CXorf58: variants seen among roughly 807,000 people sequenced by gnomAD.
The protein encoded by CXorf58 is chromosome X open reading frame 58.
In CXorf58, 24 loss-of-function variants were observed where a neutral mutation model predicts 26.0. The ratio of observed to expected loss-of-function variants is 0.92; its 90% CI spans 0.67 to 1.30. CXorf58 has a LOEUF of 1.30. Among genes scored for constraint, CXorf58 ranks in the 50% most tolerant of loss-of-function variants. The probability of loss-of-function intolerance (pLI) is 0.00; values close to 1 mark genes in which losing one functional copy is unlikely to be tolerated. For synonymous variants in CXorf58, 87 were observed against 86.1 expected (o/e 1.01, Z -0.06); for missense variants, 236 against 263.9 (o/e 0.89, Z 0.73).
intron 5 of CXorf58, among the ~76,000 whole-genome samples, chrX:23,918,369 A>G (rs956470677): frequency 3.6e-5 from 4 of 111,534 alleles, no homozygotes; most frequent in Non-Finnish European, 7.5e-5. Context: ...ACAATATCTT[A>G]TAACCCATTA....
In CXorf58 at chrX:23,923,477, C is replaced by CAA. The variant is rs200776673; in HGVS notation, c.424-3751_424-3750dup. On this transcript the variant is annotated intron_variant, in intron 5 of 8. Transcript: ENST00000379211. ...GGCGAAATTGTCTCTACTAAAAATACAAAAAAAAAAAATTAGCCAGGCATG... is the reference window on the plus strand; with the variant it reads ...GGCGAAATTGTCTCTACTAAAAATACAAAAAAAAAAAAAATTAGCCAGGCATG... Among the ~76,000 whole-genome samples, 15 of 98,753 alleles carry CAA rather than the reference C, an allele frequency of 1.5e-4. No individual in the cohort carries two copies. In the South Asian group the frequency reaches 4.3e-3, roughly 28 times the overall value. The allele number at this position is 98,753 out of a possible 115,157, so 85.8% of individuals were successfully genotyped here.
At chrX:23,917,966 G>C (rs1927774281) in intron 5 of CXorf58, among the ~76,000 whole-genome samples, 1 of 111,107 alleles carries the variant, frequency 9.0e-6, no homozygotes, top group Non-Finnish European at 1.9e-5. Flanking sequence ...TCAACCTCCC[G>C]AGTAGCTGGG....
intron 1 of CXorf58, among the ~76,000 whole-genome samples, chrX:23,909,940 T>C (rs1169648058): frequency 2.7e-5 from 3 of 111,865 alleles, no homozygotes; most frequent in Non-Finnish European, 1.9e-5. Flanking sequence ...AGATGCCTCC[T>C]GCCCTCAATG....
At chrX:23,918,360 C>G (rs923699326) in intron 5 of CXorf58, among the ~76,000 whole-genome samples, 1 of 111,292 alleles carries the variant, frequency 9.0e-6, no homozygotes, top group African/African-American at 3.3e-5. Context: ...GGCTTGCAAA[C>G]AATATCTTAT....
At position 23,911,953 on chromosome X, in the gene CXorf58, C is replaced by CTTTTTT. The variant is rs746350773; in HGVS notation, c.216+108_216+113dup. 946 of 443,481 alleles carry CTTTTTT rather than the reference C, an allele frequency of 2.1e-3. 12 individuals carry two copies. The highest frequency in any genetic ancestry group is 0.017 in the Admixed American group (370 of 21,665). The allele number at this position is 443,481 out of a possible 1,213,427, so 36.5% of individuals were successfully genotyped here. A position where few individuals can be genotyped will look rare whatever the true frequency, so the allele number is the denominator to read the frequency against. ...GAATAGATAACCTTCTTTATCTCCT[C>CTTTTTT]TTTTTTTTTTTTTTTTGAGAGGGAG... is the stretch of plus-strand genomic sequence containing the variant. On this transcript the variant is annotated intron_variant, in intron 3 of 8. Transcript: ENST00000379211.
intron 3 of CXorf58, among the ~76,000 whole-genome samples, chrX:23,914,809 G>A (rs1365417453): frequency 1.8e-5 from 2 of 109,958 alleles, no homozygotes; most frequent in Non-Finnish European, 3.8e-5. Flanking sequence ...ACTTGAACCT[G>A]GGAGGTGGAG....
At chrX:23,925,786 CTT>C (rs11296283) in intron 5 of CXorf58, among the ~76,000 whole-genome samples, 82 of 71,757 alleles carry the variant, frequency 1.1e-3, no homozygotes, top group African/African-American at 4.6e-3. Flanking sequence ...CTTTTCTTTT[CTT>C]TTTTTTTTTT....
At chrX:23,913,107 C>T (rs1310670291) in intron 3 of CXorf58, among the ~76,000 whole-genome samples, 1 of 111,246 alleles carries the variant, frequency 9.0e-6, no homozygotes, top group African/African-American at 3.3e-5. Flanking sequence ...CTAGCAGAGC[C>T]TTCCTTGGCA....
At chrX:23,917,334 CAAAA>C (rs1188697974) in intron 5 of CXorf58, among the ~76,000 whole-genome samples, 344 of 88,315 alleles carry the variant, frequency 3.9e-3, no homozygotes, top group Middle Eastern at 0.019. Context: ...GATTCTATCT[CAAAA>C]AAAAAAAAAA....
chrX:23,926,588 A>AT (rs1928016822), intron 5 of CXorf58, among the ~76,000 whole-genome samples: 1 of 111,327 alleles, frequency 9.0e-6, no homozygotes, highest in Non-Finnish European at 1.9e-5. Flanking sequence ...CTCTGCATTG[A>AT]CTGCACGAAT....
At position 23,916,430 on chromosome X, in the gene CXorf58, A is replaced by G. The variant is rs1167106854; in HGVS notation, c.423+102A>G. The G allele has an allele frequency of 3.0e-5, 15 of 494,058 alleles. No individual in the cohort carries two copies. The Admixed American group carries it at 5.9e-4, about 20-fold the overall frequency. The allele number at this position is 494,058 out of a possible 1,213,427, so 40.7% of individuals were successfully genotyped here. A position where few individuals can be genotyped will look rare whatever the true frequency, so the allele number is the denominator to read the frequency against. Reference sequence around the variant, plus strand: ...ATACAGAATAAGTTATTTCACCATGAAACAGCCCACCAGGTAGGTAGTGTG... The same window carrying G: ...ATACAGAATAAGTTATTTCACCATGGAACAGCCCACCAGGTAGGTAGTGTG... On this transcript the variant is annotated intron_variant, in intron 5 of 8. Coordinates refer to ENST00000379211, the MANE Select transcript of CXorf58 (RefSeq NM_152761.3).
At chrX:23,914,560 A>G (rs1927670217) in intron 3 of CXorf58, among the ~76,000 whole-genome samples, 2 of 111,809 alleles carry the variant, frequency 1.8e-5, no homozygotes, top group Non-Finnish European at 3.8e-5. Flanking sequence ...CCTGAGCCTC[A>G]GCCTTCTCAT....
intron 5 of CXorf58, among the ~76,000 whole-genome samples, chrX:23,924,586 G>A (rs1185719891): frequency 9.3e-6 from 1 of 107,886 alleles, no homozygotes; most frequent in Non-Finnish European, 1.9e-5. Flanking sequence ...GCCTCCCAGA[G>A]TGCTGGGATT....
chrX:23,927,657 G>A (rs541035945), intron 6 of CXorf58, among the ~76,000 whole-genome samples: 1 of 110,393 alleles, frequency 9.1e-6, no homozygotes, highest in Non-Finnish European at 1.9e-5. Flanking sequence ...GTAAACTCGT[G>A]TCAAGGGGGT....
At chrX:23,935,100 A>T in intron 6 of CXorf58, 96 bp from the exon 7 acceptor site, 1 of 604,101 alleles carries the variant, frequency 1.7e-6, no homozygotes, top group Non-Finnish European at 2.7e-6. Context: ...TCCTGACCTC[A>T]GGTGATCCAC....
chrX:23,939,324 C>T lies in CXorf58; in HGVS notation c.*21C>T, dbSNP rs1384946988. On this transcript the variant is annotated 3_prime_UTR_variant, in exon 9 of 9. Transcript: ENST00000379211. ...TTTGACATTGTGAAAACTAAGGAAT[C>T]TATGTCAGAGTGTCAGCTGGAAAAA... is the stretch of plus-strand genomic sequence containing the variant. The T allele has an allele frequency of 2.7e-6, 3 of 1,106,558 alleles. No individual in the cohort carries two copies. Among genetic ancestry groups the T allele is most frequent in the Non-Finnish European group, 3.7e-6 (3 of 814,304 alleles). 91.2% of individuals were successfully genotyped at this position (1,106,558 alleles called of 1,213,427 possible).
rs1569249628 is a variant in CXorf58, at chrX:23,908,166, G to A, written c.-184G>A. ...CGCTTGGAGGGCCACCGGCGGCTTC[G>A]AAAGCTTCGCAGCCGGAAGCCGCCG... On this transcript the variant is annotated 5_prime_UTR_variant, in exon 1 of 9. Coordinates refer to ENST00000379211, the MANE Select transcript of CXorf58 (RefSeq NM_152761.3). The A allele has an allele frequency of 1.7e-5, 2 of 116,389 alleles. No homozygotes were observed. Among genetic ancestry groups the A allele is most frequent in the African/African-American group, 6.4e-5 (2 of 31,401 alleles). The allele number at this position is 116,389 out of a possible 1,213,427, so 9.6% of individuals were successfully genotyped here. A position where few individuals can be genotyped will look rare whatever the true frequency, so the allele number is the denominator to read the frequency against.
At position 23,939,389 on chromosome X, in the gene CXorf58, C is replaced by T. The variant is rs1220095050; in HGVS notation, c.*86C>T. ...TTTTCCTGGTATCAAAACTTGGCAG[C>T]TGGTGATTCTCCATCATGATAATGA... On this transcript the variant is annotated 3_prime_UTR_variant, in exon 9 of 9. Coordinates refer to ENST00000379211, the MANE Select transcript of CXorf58 (RefSeq NM_152761.3). 4.6e-6 allele frequency: 3 copies of T among 651,365 alleles called. No individual in the cohort carries two copies. The highest frequency in any genetic ancestry group is 7.1e-6 in the Non-Finnish European group (3 of 421,016). The allele number at this position is 651,365 out of a possible 1,213,427, so 53.7% of individuals were successfully genotyped here. A position where few individuals can be genotyped will look rare whatever the true frequency, so the allele number is the denominator to read the frequency against.
chrX:23,911,013 C>T (rs925696431), intron 2 of CXorf58, among the ~76,000 whole-genome samples: 3 of 110,443 alleles, frequency 2.7e-5, no homozygotes, highest in Non-Finnish European at 3.8e-5. Flanking sequence ...TGATCCCACC[C>T]GCCTCGGCCT....
Sources: gnomAD v4.1 joint callset for allele counts (sites outside exome capture counted in the v4.1 genomes callset) on GRCh38, gnomAD v4.1.1 for gene constraint, MANE v1.5 for transcripts, NCBI Gene and HGNC (gene_info 2026-07-23, HGNC 2026-07-21) for gene names.